The following CCDC18 variants were observed in gnomAD, a reference collection of about 807,000 sequenced individuals.
CCDC18 encodes the protein coiled-coil domain containing 18, also known as coiled-coil domain-containing protein 18.
CCDC18 carries 157 observed loss-of-function variants against 196.0 expected under a neutral mutation model. The observed-to-expected ratio is 0.80, with a 90% CI of 0.70 to 0.91. CCDC18 has a LOEUF of 0.91. Among genes scored for constraint, CCDC18 ranks in the 40% least tolerant of loss-of-function variants. The pLI, the probability that CCDC18 is intolerant of heterozygous loss-of-function variation, is 0.00. For missense variants in CCDC18, 1,465 were observed against 1,611.6 expected (o/e 0.91, Z 1.56); for synonymous variants, 482 against 529.2 (o/e 0.91, Z 1.22).
chr1:93,258,127 A>T (rs1421259885), intron 25 of CCDC18, among the ~76,000 whole-genome samples: 2 of 151,490 alleles, frequency 1.3e-5, no homozygotes, highest in African/African-American at 4.8e-5. Context: ...TAATTAATTA[A>T]AAGACATTTG....
intron 5 of CCDC18, among the ~76,000 whole-genome samples, 178 bp from the exon 6 acceptor site, chr1:93,193,437 AT>A (rs1462817761): frequency 2.6e-5 from 4 of 152,164 alleles, no homozygotes; most frequent in Non-Finnish European, 5.9e-5. Context: ...GTATTCTTTT[AT>A]TCTTTAAAAA....
chr1:93,274,567 G>A (rs572108966), intron 28 of CCDC18, among the ~76,000 whole-genome samples: 26 of 151,832 alleles, frequency 1.7e-4, no homozygotes, highest in Admixed American at 9.8e-4. Flanking sequence ...AATACTGGCC[G>A]GGCAAGGTGC....
At position 93,221,879 on chromosome 1, in the gene CCDC18, G is replaced by A; in HGVS notation, c.2118G>A (p.Met706Ile). ...ESKGEMKKENMKKDEALKALQ... is the reference protein window; with the variant it reads ...ESKGEMKKENIKKDEALKALQ... ...TTTAGGAAATGAAAAAGGAAAATAT[G>A]AAGAAAGATGAAGCTTTAAAAGCAT... is the stretch of plus-strand genomic sequence containing the variant. The change falls in exon 16 of 29, where the codon ATG (methionine) becomes ATA (isoleucine). Residue 706 changes from methionine to isoleucine, a missense_variant. Transcript: ENST00000690025. 4 of 1,600,856 alleles carry A rather than the reference G, an allele frequency of 2.5e-6. No homozygotes were observed. Among genetic ancestry groups the A allele is most frequent in the Non-Finnish European group, 3.4e-6 (4 of 1,171,952 alleles).
At chr1:93,232,709 GC>G (rs1659434732) in intron 18 of CCDC18, 116 bp downstream of exon 18, 1 of 761,226 alleles carries the variant, frequency 1.3e-6, no homozygotes, top group Non-Finnish European at 2.1e-6. Context: ...CGTGGCTCGT[GC>G]CCATAATTCC....
intron 6 of CCDC18, among the ~76,000 whole-genome samples, chr1:93,196,282 C>T (rs1652710454): frequency 1.3e-5 from 2 of 152,210 alleles, no homozygotes; most frequent in Admixed American, 6.5e-5. Flanking sequence ...CAAGATTGTG[C>T]CATTGCACTC....
At chr1:93,222,709 G>C (rs1365756119) in intron 16 of CCDC18, among the ~76,000 whole-genome samples, 1 of 152,148 alleles carries the variant, frequency 6.6e-6, no homozygotes, top group African/African-American at 2.4e-5. Context: ...CAATACCCTA[G>C]AAGAGCATTA....
chr1:93,199,494 T>C (rs1653435048), intron 6 of CCDC18, among the ~76,000 whole-genome samples: 1 of 152,226 alleles, frequency 6.6e-6, no homozygotes, highest in African/African-American at 2.4e-5. Context: ...CAGCCCTGGC[T>C]CGGGAAGCTC....
chr1:93,219,325 T>G (rs1657029104), intron 14 of CCDC18, among the ~76,000 whole-genome samples: 1 of 151,968 alleles, frequency 6.6e-6, no homozygotes, highest in African/African-American at 2.4e-5. Flanking sequence ...CAGCATGCAG[T>G]TTTTTTTCTT....
In CCDC18 at chr1:93,239,794, G is replaced by A; in HGVS notation, c.2879G>A (p.Ser960Asn). 1.2e-6 allele frequency: 2 copies of A among 1,613,450 alleles called. No individual in the cohort carries two copies. The highest frequency in any genetic ancestry group is 1.1e-5 in the South Asian group (1 of 91,068). The change falls in exon 21 of 29, where the codon AGT becomes AAT. Residue 960 changes from serine (S) to asparagine (N), a missense_variant. By Grantham distance (46) the Ser-to-Asn change is conservative. Transcript: ENST00000690025. ...ELQNAHGELK[S>N]TLRQLQELRD... is the part of the protein sequence containing the mutation. Reference sequence around the variant, plus strand: ...CAAAATGCTCATGGAGAATTAAAAAGTACTTTAAGACAACTCCAGGAATTG... The same window carrying A: ...CAAAATGCTCATGGAGAATTAAAAAATACTTTAAGACAACTCCAGGAATTG...
At chr1:93,222,047 G>T in intron 16 of CCDC18, 111 bp downstream of exon 16, 1 of 668,546 alleles carries the variant, frequency 1.5e-6, no homozygotes. Flanking sequence ...ATAACTCACT[G>T]CAACCTTGAA....
rs781298855 is a variant in CCDC18, at chr1:93,246,864, T to G, written c.3108T>G (p.Arg1036=). The change falls in exon 23 of 29, where the codon CGT becomes CGG. Residue 1036 remains arginine (R), a synonymous_variant. Coordinates refer to ENST00000690025, the MANE Select transcript of CCDC18 (RefSeq NM_001378204.1). ...AQVTHLDMTI[R]EHRGEMEQKI... ...TTACACATTTGGATATGACTATTCG[T>G]GAGCACAGAGGAGAAATGGAACAAA... The G allele has an allele frequency of 6.5e-7, 1 of 1,539,292 alleles. No individual in the cohort carries two copies. Among genetic ancestry groups the G allele is most frequent in the Admixed American group, 1.8e-5 (1 of 55,384 alleles).
At chr1:93,188,051 T>C (rs1651020187) in intron 4 of CCDC18, among the ~76,000 whole-genome samples, 1 of 152,328 alleles carries the variant, frequency 6.6e-6, no homozygotes, top group African/African-American at 2.4e-5. Context: ...TACGAACTAA[T>C]AGCATTTTGA....
chr1:93,182,968 A>G (rs67768103), intron 1 of CCDC18, among the ~76,000 whole-genome samples: 13,443 of 152,220 alleles, frequency 0.088, 681 homozygotes, highest in African/African-American at 0.13. Flanking sequence ...TTGCATCCTA[A>G]TGACTTGGAT....
chr1:93,215,015 A>G (rs1046359876), intron 12 of CCDC18, 49 bp downstream of exon 12: 8 of 1,207,286 alleles, frequency 6.6e-6, no homozygotes, highest in Non-Finnish European at 8.1e-6. Context: ...GAACTAGAAC[A>G]AAAGGTATTA....
At chr1:93,223,134 AC>A (rs1351891741) in intron 16 of CCDC18, among the ~76,000 whole-genome samples, 2 of 152,114 alleles carry the variant, frequency 1.3e-5, no homozygotes, top group Non-Finnish European at 2.9e-5. Flanking sequence ...ATTAGATAAA[AC>A]TCATGCAGCC....
chr1:93,191,902 G>T (rs1651875482), intron 4 of CCDC18, 98 bp from the exon 5 acceptor site: 1 of 703,098 alleles, frequency 1.4e-6, no homozygotes, highest in Admixed American at 2.5e-5. Flanking sequence ...TGATTTGGGA[G>T]CCCTATTGAA....
chr1:93,214,654 C>A, intron 11 of CCDC18, 89 bp from the exon 12 acceptor site: 1 of 874,684 alleles, frequency 1.1e-6, no homozygotes, highest in Non-Finnish European at 1.8e-6. Context: ...AGAAACTAAA[C>A]TTTGTTTATG....
At position 93,209,654 on chromosome 1, in the gene CCDC18, C is replaced by G. The variant is rs1162049299; in HGVS notation, c.1210-1148C>G. ...CTTAGCTCCTCTGATATCTGCTTTC[C>G]CAGGATGCTGTTTATTTGCTTGGAT... On this transcript the variant is annotated intron_variant, in intron 9 of 28. Coordinates refer to ENST00000690025, the MANE Select transcript of CCDC18 (RefSeq NM_001378204.1). Among the ~76,000 whole-genome samples the G allele has an allele frequency of 2.6e-5, 4 of 152,136 alleles. No individual in the cohort carries two copies. The East Asian group carries it at 7.7e-4, about 29-fold the overall frequency.
chr1:93,241,756 TTGC>T (rs1660832387), intron 21 of CCDC18, among the ~76,000 whole-genome samples: 1 of 148,584 alleles, frequency 6.7e-6, no homozygotes, highest in Non-Finnish European at 1.5e-5. Flanking sequence ...ATAGATCATA[TTGC>T]TTACCTACTT....
Sources: allele counts gnomAD v4.1 joint callset (sites outside exome capture counted in the v4.1 genomes callset), GRCh38; gene constraint gnomAD v4.1.1; transcripts MANE v1.5; gene names NCBI Gene and HGNC (gene_info 2026-07-23, HGNC 2026-07-21).